The following SLC25A37 variants were observed in gnomAD, a reference collection of about 807,000 sequenced individuals.
The protein encoded by SLC25A37 is solute carrier family 25 member 37, also known as mitoferrin-1.
Under a neutral mutation model 31.0 loss-of-function variants are expected in SLC25A37, and 17 were observed. The ratio of observed to expected loss-of-function variants is 0.55; its 90% CI spans 0.38 to 0.82. The LOEUF (loss-of-function observed/expected upper bound fraction) is 0.82. Among genes scored for constraint, SLC25A37 ranks in the 40% least tolerant of loss-of-function variants. SLC25A37 has a pLI of 0.00. For missense variants in SLC25A37, 404 were observed against 465.8 expected, an observed-to-expected ratio of 0.87 and a Z score of 1.22; for synonymous variants, 222 against 193.0, an observed-to-expected ratio of 1.15 and a Z score of -1.24.
chr8:23,568,618 G>A (rs1165720930), intron 3 of SLC25A37: 3 of 532,182 alleles, frequency 5.6e-6, no homozygotes, highest in Non-Finnish European at 1.0e-5. Context: ...CAGACCAGCA[G>A]CATCAGACAT....
intron 1 of SLC25A37, among the ~76,000 whole-genome samples, chr8:23,558,666 A>G (rs1377530151): frequency 2.0e-5 from 3 of 152,198 alleles, no homozygotes; most frequent in Admixed American, 6.5e-5. Flanking sequence ...GGATGCAGAT[A>G]CAGACAGAGT....
At chr8:23,559,354 C>CGT (rs775824828) in intron 1 of SLC25A37, among the ~76,000 whole-genome samples, 11 of 150,924 alleles carry the variant, frequency 7.3e-5, no homozygotes, top group African/African-American at 1.2e-4. Context: ...TGTGTGTGTG[C>CGT]GTGTGTGTGC....
At chr8:23,549,207 G>A (rs942672352) in intron 1 of SLC25A37, among the ~76,000 whole-genome samples, 3 of 152,270 alleles carry the variant, frequency 2.0e-5, no homozygotes, top group East Asian at 1.9e-4. Context: ...TAGTAGCAGC[G>A]TTTTCTTGCA....
intron 1 of SLC25A37, among the ~76,000 whole-genome samples, chr8:23,538,407 CCAG>C (rs1248061861): frequency 4.7e-5 from 4 of 85,968 alleles, no homozygotes; most frequent in East Asian, 1.0e-3. Flanking sequence ...AAAAAAAAAA[CCAG>C]AAAAAAAAAC....
At position 23,529,738 on chromosome 8, in the gene SLC25A37, T is replaced by C. The variant is rs955283446; in HGVS notation, c.210+526T>C. On this transcript the variant is annotated intron_variant, in intron 1 of 3. Coordinates refer to ENST00000519973, the MANE Select transcript of SLC25A37 (RefSeq NM_016612.4). The surrounding 1 kb of genome is among the most constrained non-coding windows in gnomAD (Gnocchi z 4.1). ...CTGCTCCCCGGGTTATTTCGGGAAC[T>C]TGGGGCCGGCAAGTCTTCTCTCGAC... Among the ~76,000 whole-genome samples the C allele has an allele frequency of 6.6e-6, 1 of 152,144 alleles. No homozygotes were observed. Among genetic ancestry groups the C allele is most frequent in the African/African-American group, 2.4e-5 (1 of 41,442 alleles).
chr8:23,544,245 A>G (rs1443900186), intron 1 of SLC25A37, among the ~76,000 whole-genome samples: 3 of 152,218 alleles, frequency 2.0e-5, no homozygotes, highest in Non-Finnish European at 4.4e-5. Flanking sequence ...GTACAGTAGC[A>G]TGCTGTACAG....
chr8:23,542,283 A>G (rs1268286585), intron 1 of SLC25A37, among the ~76,000 whole-genome samples: 3 of 151,996 alleles, frequency 2.0e-5, no homozygotes. Flanking sequence ...CACAATTAGT[A>G]GGTAATGCTT....
chr8:23,567,338 G>A (rs1004458914), intron 2 of SLC25A37: 1 of 152,056 alleles, frequency 6.6e-6, no homozygotes, highest in East Asian at 1.9e-4. Flanking sequence ...TTATTGAGAT[G>A]ATCTCTAAAG....
intron 1 of SLC25A37, among the ~76,000 whole-genome samples, chr8:23,532,991 A>T (rs770429952): frequency 1.2e-4 from 18 of 152,292 alleles, no homozygotes; most frequent in Non-Finnish European, 2.2e-4. Flanking sequence ...CTGGGACAAA[A>T]CTATAATGAT....
chr8:23,550,181 C>CA (rs67552053), intron 1 of SLC25A37, among the ~76,000 whole-genome samples: 1,054 of 68,376 alleles, frequency 0.015, 64 homozygotes, highest in African/African-American at 0.039. Context: ...AATTCCGTTT[C>CA]AAAAAAAAAA....
At chr8:23,531,288 C>T (rs1018153725) in intron 1 of SLC25A37, among the ~76,000 whole-genome samples, 2 of 152,218 alleles carry the variant, frequency 1.3e-5, no homozygotes, top group African/African-American at 4.8e-5. Context: ...GGGGAGACCA[C>T]ACCTGTGTTC....
At position 23,529,625 on chromosome 8, in the gene SLC25A37, C is replaced by T. The variant is rs1383098038; in HGVS notation, c.210+413C>T. Among the ~76,000 whole-genome samples the T allele has an allele frequency of 6.6e-6, 1 of 152,196 alleles. No homozygotes were observed. Among genetic ancestry groups the T allele is most frequent in the Non-Finnish European group, 1.5e-5 (1 of 68,026 alleles). On this transcript the variant is annotated intron_variant, in intron 1 of 3. Coordinates refer to ENST00000519973, the MANE Select transcript of SLC25A37 (RefSeq NM_016612.4). This position sits in a 1 kb window ranked among gnomAD's most constrained non-coding sequence, Gnocchi z 4.1. ...CACGTGCGCGGTTTCCGAGGGAGCT[C>T]CCCGCAGGGGAAGCCCTCACCACGC...
rs201447306 is a variant in SLC25A37, at chr8:23,571,742, A to T, written c.904A>T (p.Ile302Phe). Residue 302 changes from isoleucine to phenylalanine, a missense_variant, in exon 4 of 4, where the codon ATC becomes TTC. Physicochemically the swap from Ile to Phe is conservative, Grantham distance 21. Transcript: ENST00000519973. The part of the protein sequence containing the change: ...LNGLAGYFKG[I>F]QARVIYQMPS... ...CGGCCTGGCCGGCTACTTCAAAGGCATCCAGGCGCGTGTCATCTACCAGAT... is the reference window on the plus strand; with the variant it reads ...CGGCCTGGCCGGCTACTTCAAAGGCTTCCAGGCGCGTGTCATCTACCAGAT... 33 of 1,614,024 alleles carry T rather than the reference A, an allele frequency of 2.0e-5. No homozygotes were observed. The East Asian group carries it at 4.9e-4, about 24-fold the overall frequency.
intron 1 of SLC25A37, among the ~76,000 whole-genome samples, chr8:23,538,164 T>C (rs1056363059): frequency 2.0e-5 from 3 of 151,924 alleles, no homozygotes; most frequent in Non-Finnish European, 4.4e-5. Flanking sequence ...GCAGATCACC[T>C]GAGGTCAGGA....
intron 1 of SLC25A37, among the ~76,000 whole-genome samples, chr8:23,563,589 C>A (rs1802571106): frequency 1.3e-5 from 2 of 152,192 alleles, no homozygotes; most frequent in Admixed American, 6.5e-5. Flanking sequence ...TCCCTGGGAC[C>A]CTGGGGCCCA....
chr8:23,546,333 G>C (rs1170709118), intron 1 of SLC25A37, among the ~76,000 whole-genome samples: 1 of 151,378 alleles, frequency 6.6e-6, no homozygotes, highest in Non-Finnish European at 1.5e-5. Context: ...TAAAAGAACA[G>C]AAAATGACCT....
rs1802955294 is a variant in SLC25A37, at chr8:23,575,380, G to A, written c.*3525G>A. 1 of 152,184 alleles carries A rather than the reference G, an allele frequency of 6.6e-6. No individual in the cohort carries two copies. The highest frequency in any genetic ancestry group is 2.4e-5 in the African/African-American group (1 of 41,424). The allele number at this position is 152,184 out of a possible 1,614,324, so 9.4% of individuals were successfully genotyped here. A position where few individuals can be genotyped will look rare whatever the true frequency, so the allele number is the denominator to read the frequency against. ...GCTCTTTGAAGAAGGGGAGAATTGTGTGTTTTTGTGTGGGGATGTTTCTGA... is the reference window on the plus strand; with the variant it reads ...GCTCTTTGAAGAAGGGGAGAATTGTATGTTTTTGTGTGGGGATGTTTCTGA... On this transcript the variant is annotated 3_prime_UTR_variant, in exon 4 of 4. Transcript: ENST00000519973.
At chr8:23,565,444 G>C (rs995872969) in intron 1 of SLC25A37, among the ~76,000 whole-genome samples, 1 of 151,518 alleles carries the variant, frequency 6.6e-6, no homozygotes, top group Admixed American at 6.6e-5. Context: ...CTGTGGAGTA[G>C]CCATTCTTTT....
chr8:23,557,382 C>G (rs963415288), intron 1 of SLC25A37, among the ~76,000 whole-genome samples: 2 of 152,116 alleles, frequency 1.3e-5, no homozygotes, highest in African/African-American at 2.4e-5. Context: ...TGTGTGCCTT[C>G]TAAGGATGCT....
Sources: allele counts gnomAD v4.1 joint callset (sites outside exome capture counted in the v4.1 genomes callset), GRCh38; gene constraint gnomAD v4.1.1; non-coding constraint Gnocchi (gnomAD v3.1); transcripts MANE v1.5; gene names NCBI Gene and HGNC (gene_info 2026-07-23, HGNC 2026-07-21).